Variants in CEP162 observed in about 807,000 individuals in gnomAD.
The protein encoded by CEP162 is centrosomal protein of 162 kDa.
In CEP162, 141 loss-of-function variants were observed where a neutral mutation model predicts 169.2. The observed-to-expected ratio is 0.83, with a 90% CI of 0.73 to 0.96. The LOEUF is 0.96. CEP162 is among the 40% of genes least tolerant of loss of function. The pLI, the probability that CEP162 is intolerant of heterozygous loss-of-function variation, is 0.00. For synonymous variants in CEP162, 540 were observed against 526.4 expected, an observed-to-expected ratio of 1.03 and a Z score of -0.35; for missense variants, 1,600 against 1,587.2, an observed-to-expected ratio of 1.01 and a Z score of -0.14.
At chr6:84,183,173 T>C (rs2099535670) in intron 13 of CEP162, among the ~76,000 whole-genome samples, 1 of 152,138 alleles carries the variant, frequency 6.6e-6, no homozygotes, top group Non-Finnish European at 1.5e-5. Flanking sequence ...ATTTTGGATG[T>C]CACAAATGCT....
intron 25 of CEP162, among the ~76,000 whole-genome samples, chr6:84,137,623 A>G (rs755653996): frequency 2.6e-5 from 4 of 152,158 alleles, no homozygotes; most frequent in Non-Finnish European, 4.4e-5. Flanking sequence ...ATAAGCAATA[A>G]TAGCATCAAT....
chr6:84,195,226 T>C (rs1251208868), intron 9 of CEP162, among the ~76,000 whole-genome samples, 151 bp from the exon 10 acceptor site: 1 of 152,212 alleles, frequency 6.6e-6, no homozygotes, highest in East Asian at 1.9e-4. Context: ...CCAGCATGGA[T>C]TCATAGCAGG....
chr6:84,132,551 CT>C (rs1382126833), intron 25 of CEP162, among the ~76,000 whole-genome samples: 9 of 152,048 alleles, frequency 5.9e-5, no homozygotes, highest in African/African-American at 1.9e-4. Context: ...TCTTTTTACT[CT>C]TTTTTCTCTA....
chr6:84,205,140 G>A (rs2099546307), intron 6 of CEP162, among the ~76,000 whole-genome samples: 1 of 152,136 alleles, frequency 6.6e-6, no homozygotes, highest in Non-Finnish European at 1.5e-5. Flanking sequence ...AATTCTACCA[G>A]AGGTACAAAG....
chr6:84,155,359 C>G lies in CEP162; in HGVS notation c.2933G>C (p.Gly978Ala). The G allele has an allele frequency of 1.2e-6, 2 of 1,613,662 alleles. No individual in the cohort carries two copies. Among genetic ancestry groups the G allele is most frequent in the Non-Finnish European group, 1.7e-6 (2 of 1,179,700 alleles). The change falls in exon 22 of 27, where the codon GGC becomes GCC. Residue 978 changes from glycine to alanine, a missense_variant. Gly to Ala is a moderately conservative substitution (Grantham distance 60, BLOSUM62 0). Transcript: ENST00000403245. ...GCTTTTCTTTGCATCTTCATCTTTG[C>G]CCTCCAGATCAGCTTCTAGCTTTTT... ...RIKKLEADLE[G>A]KDEDAKKSLR...
chr6:84,156,773 A>C (rs2476907), intron 21 of CEP162, among the ~76,000 whole-genome samples: 4,614 of 137,388 alleles, frequency 0.034, 231 homozygotes, highest in African/African-American at 0.12. Flanking sequence ...CACACACACA[A>C]ACACACTATT....
At chr6:84,219,279 C>T (rs562027787) in intron 3 of CEP162, 10 of 624,244 alleles carry the variant, frequency 1.6e-5, no homozygotes, top group African/African-American at 1.9e-5. Context: ...AGGTTATTCC[C>T]GTGGGCAGGG....
intron 25 of CEP162, among the ~76,000 whole-genome samples, chr6:84,142,226 A>C (rs1424545755): frequency 6.6e-6 from 1 of 152,222 alleles, no homozygotes; most frequent in African/African-American, 2.4e-5. Context: ...ACCAGTAAAA[A>C]GTTTGGCCAG....
chr6:84,165,176 C>T (rs2099527337), intron 18 of CEP162, among the ~76,000 whole-genome samples: 1 of 151,822 alleles, frequency 6.6e-6, no homozygotes, highest in South Asian at 2.1e-4. Context: ...TCCTGACCAC[C>T]TTATCTAAAA....
At chr6:84,162,364 T>C (rs536063188) in intron 19 of CEP162, among the ~76,000 whole-genome samples, 19 of 152,326 alleles carry the variant, frequency 1.2e-4, no homozygotes, top group African/African-American at 4.6e-4. Flanking sequence ...ACTACTATTA[T>C]TGTTGTTACT....
intron 25 of CEP162, among the ~76,000 whole-genome samples, chr6:84,128,875 A>G (rs1365150150): frequency 7.4e-6 from 1 of 134,238 alleles, no homozygotes; most frequent in African/African-American, 2.8e-5. Flanking sequence ...CCGGTGTGTG[A>G]TGTTCCCCTC....
chr6:84,151,798 T>G (rs1331738229), intron 23 of CEP162, among the ~76,000 whole-genome samples: 1 of 151,996 alleles, frequency 6.6e-6, no homozygotes, highest in African/African-American at 2.4e-5. Context: ...AAAAGTAGTG[T>G]GGTCAACATT....
chr6:84,153,670 CAGCAAATGAAATA>C (rs1249805481), intron 22 of CEP162, among the ~76,000 whole-genome samples: 1 of 152,120 alleles, frequency 6.6e-6, no homozygotes, highest in Non-Finnish European at 1.5e-5. Context: ...GTTTAGTATT[CAGCAAATGAAATA>C]AATAATTTCT....
Position 84,203,980 on chromosome 6 carries a change from C to A in CEP162, c.687+1G>T, listed in dbSNP as rs749498693. 27 of 1,585,292 alleles carry A rather than the reference C, an allele frequency of 1.7e-5. No homozygotes were observed. Among genetic ancestry groups the A allele is most frequent in the African/African-American group, 2.7e-5 (2 of 73,872 alleles). ...GTCAAATATATAATTGATATATATACCTGTTTGGGCACACTTATTTTTTCT... is the reference window on the plus strand; with the variant it reads ...GTCAAATATATAATTGATATATATAACTGTTTGGGCACACTTATTTTTTCT... On this transcript the variant is annotated splice_donor_variant, in intron 7 of 26. Transcript: ENST00000403245. LOFTEE classifies it high-confidence loss of function.
At chr6:84,202,374 C>A (rs1488514633) in intron 7 of CEP162, among the ~76,000 whole-genome samples, 1 of 152,072 alleles carries the variant, frequency 6.6e-6, no homozygotes, top group East Asian at 1.9e-4. Flanking sequence ...TTAATCCCTT[C>A]CTATTTTGAT....
chr6:84,161,729 T>C lies in CEP162; in HGVS notation c.2676+17A>G. ...GGATTCATCTAGAGAAGAAATACATTCTGAAATATCTATTACCTCAAGTTT... is the reference window on the plus strand; with the variant it reads ...GGATTCATCTAGAGAAGAAATACATCCTGAAATATCTATTACCTCAAGTTT... On this transcript the variant is annotated intron_variant, in intron 20 of 26. Transcript: ENST00000403245. The C allele has an allele frequency of 6.5e-7, 1 of 1,546,654 alleles. No individual in the cohort carries two copies. The highest frequency in any genetic ancestry group is 1.2e-5 in the South Asian group (1 of 82,852).
intron 20 of CEP162, 46 bp downstream of exon 20, chr6:84,161,700 A>G (rs769644766): frequency 1.5e-6 from 2 of 1,344,930 alleles, no homozygotes; most frequent in South Asian, 1.3e-5. Flanking sequence ...TATTACGGAC[A>G]AAAGGATTCA....
intron 2 of CEP162, 48 bp downstream of exon 2, chr6:84,226,289 T>C: frequency 8.1e-7 from 1 of 1,241,670 alleles, no homozygotes; most frequent in Non-Finnish European, 1.2e-6. Flanking sequence ...GAAGGATGAG[T>C]CTTTTGAGAC....
intron 25 of CEP162, among the ~76,000 whole-genome samples, chr6:84,127,999 T>A (rs997538707): frequency 3.3e-5 from 5 of 152,196 alleles, no homozygotes; most frequent in African/African-American, 1.2e-4. Flanking sequence ...CTCATTTTTT[T>A]ATTAAGCCTT....
Sources: gnomAD v4.1 joint callset for allele counts (sites outside exome capture counted in the v4.1 genomes callset) on GRCh38, gnomAD v4.1.1 for gene constraint, MANE v1.5 for transcripts, NCBI Gene and HGNC (gene_info 2026-07-23, HGNC 2026-07-21) for gene names.